ADGRG7: variants seen among roughly 807,000 people sequenced by gnomAD.
The protein encoded by ADGRG7 is adhesion G protein-coupled receptor G7.
ADGRG7 carries 82 observed loss-of-function variants against 88.6 expected under a neutral mutation model. That is an observed-to-expected ratio of 0.93 (90% CI 0.77 to 1.11). ADGRG7 has a LOEUF of 1.11. Ranked by LOEUF, ADGRG7 falls within the 50% of genes most tolerant of loss-of-function variation. The pLI, the probability that ADGRG7 is intolerant of heterozygous loss-of-function variation, is 0.00. For missense variants in ADGRG7, 945 were observed against 953.4 expected (o/e 0.99, Z 0.12); for synonymous variants, 381 against 345.2 (o/e 1.10, Z -1.15).
intron 8 of ADGRG7, among the ~76,000 whole-genome samples, chr3:100,645,151 T>C (rs1707720727): frequency 6.6e-6 from 1 of 152,262 alleles, no homozygotes; most frequent in Non-Finnish European, 1.5e-5. Flanking sequence ...ATGTATACTG[T>C]TGACGCTTCT....
At chr3:100,675,312 T>A (rs1007674160) in intron 15 of ADGRG7, among the ~76,000 whole-genome samples, 85 of 152,308 alleles carry the variant, frequency 5.6e-4, no homozygotes, top group African/African-American at 2.0e-3. Context: ...GAAGTGATGT[T>A]GAATTTTATA....
At chr3:100,629,301 CTATCTATCTACT>C (rs1333210065) in intron 1 of ADGRG7, among the ~76,000 whole-genome samples, 1 of 151,512 alleles carries the variant, frequency 6.6e-6, no homozygotes, top group Non-Finnish European at 1.5e-5. Flanking sequence ...ATCTATCTAT[CTATCTATCTACT>C]TACCATCTAT....
intron 15 of ADGRG7, among the ~76,000 whole-genome samples, chr3:100,685,617 A>G (rs906305183): frequency 1.3e-5 from 2 of 152,146 alleles, no homozygotes; most frequent in African/African-American, 4.8e-5. Context: ...GAGTGAGAAC[A>G]TGCAGTGTTT....
chr3:100,682,142 C>A (rs2094974268), intron 15 of ADGRG7, among the ~76,000 whole-genome samples: 1 of 152,128 alleles, frequency 6.6e-6, no homozygotes, highest in African/African-American at 2.4e-5. Flanking sequence ...CCAGAGCCTG[C>A]CCCAGGGAGC....
At chr3:100,610,064 G>A in intron 1 of ADGRG7, 93 bp downstream of exon 1, 1 of 1,017,978 alleles carries the variant, frequency 9.8e-7, no homozygotes, top group South Asian at 1.3e-5. Context: ...GAGGTACCTT[G>A]TCCAGTCTGA....
chr3:100,677,271 G>A (rs1390767363), intron 15 of ADGRG7, among the ~76,000 whole-genome samples: 1 of 151,952 alleles, frequency 6.6e-6, no homozygotes, highest in African/African-American at 2.4e-5. Context: ...TTACCACAAG[G>A]CTTGCAAATA....
intron 15 of ADGRG7, among the ~76,000 whole-genome samples, chr3:100,674,504 CT>C (rs1489961509): frequency 6.6e-6 from 1 of 150,626 alleles, no homozygotes; most frequent in East Asian, 1.9e-4. Flanking sequence ...AGATCTTTCA[CT>C]TTTTTGGTTA....
chr3:100,673,254 GGT>G (rs748158369), intron 15 of ADGRG7, among the ~76,000 whole-genome samples: 8 of 151,960 alleles, frequency 5.3e-5, no homozygotes, highest in Non-Finnish European at 1.2e-4. Flanking sequence ...ACTTGTTATT[GGT>G]CTATTCAGGG....
chr3:100,643,115 A>G, intron 6 of ADGRG7, 151 bp from the exon 7 acceptor site: 1 of 718,266 alleles, frequency 1.4e-6, no homozygotes, highest in Non-Finnish European at 2.2e-6. Context: ...AAACTCTAGA[A>G]AAGAAAACCA....
At chr3:100,661,111 T>A (rs2094944775) in intron 14 of ADGRG7, among the ~76,000 whole-genome samples, 1 of 152,180 alleles carries the variant, frequency 6.6e-6, no homozygotes, top group Non-Finnish European at 1.5e-5. Context: ...CCAAAAAGCA[T>A]TTTCATTGTC....
intron 1 of ADGRG7, among the ~76,000 whole-genome samples, chr3:100,614,033 T>G (rs1707193591): frequency 6.6e-6 from 1 of 152,176 alleles, no homozygotes; most frequent in African/African-American, 2.4e-5. Flanking sequence ...CTTAAATGAG[T>G]CAATATATTA....
chr3:100,656,875 C>T (rs1388239871), intron 13 of ADGRG7, among the ~76,000 whole-genome samples: 3 of 152,004 alleles, frequency 2.0e-5, no homozygotes, highest in African/African-American at 4.8e-5. Context: ...CCAGATACTA[C>T]GTTTGATTAT....
At chr3:100,674,487 G>A (rs116814720) in intron 15 of ADGRG7, among the ~76,000 whole-genome samples, 3,964 of 151,622 alleles carry the variant, frequency 0.026, 182 homozygotes, top group African/African-American at 0.091. Flanking sequence ...TATAGTTTTC[G>A]TTGTAGAGAT....
At position 100,615,981 on chromosome 3, in the gene ADGRG7, T is replaced by C. The variant is rs1265804191; in HGVS notation, c.115+6010T>C. Among the ~76,000 whole-genome samples the C allele has an allele frequency of 4.6e-5, 7 of 152,212 alleles. No individual in the cohort carries two copies. The East Asian group carries it at 7.7e-4, about 17-fold the overall frequency. ...AGCCCAAAGAAGCATTAAATAACAC[T>C]ATCATCTGTTCAGAGCCATAAGTAA... On this transcript the variant is annotated intron_variant, in intron 1 of 15. Transcript: ENST00000273352.
chr3:100,611,948 G>A (rs2149009769), intron 1 of ADGRG7, among the ~76,000 whole-genome samples: 1 of 152,178 alleles, frequency 6.6e-6, no homozygotes, highest in East Asian at 1.9e-4. Flanking sequence ...CCTTTATTCA[G>A]GTATAGACAT....
chr3:100,609,841 G>A lies in ADGRG7; in HGVS notation c.-16G>A, dbSNP rs754279120. ...TTATTTCTCACCCAGGAGTGGATTT[G>A]TGGTTTGGCTTCACCATGGCTTCCT... On this transcript the variant is annotated 5_prime_UTR_variant, in exon 1 of 16. The change creates a new upstream start codon in the 5' untranslated region. Transcript: ENST00000273352. 4 of 1,597,292 alleles carry A rather than the reference G, an allele frequency of 2.5e-6. No homozygotes were observed. In the South Asian group the frequency reaches 4.4e-5, roughly 18 times the overall value.
intron 14 of ADGRG7, among the ~76,000 whole-genome samples, chr3:100,666,590 A>G (rs1408612071): frequency 6.6e-6 from 1 of 152,166 alleles, no homozygotes; most frequent in Non-Finnish European, 1.5e-5. Context: ...GAGACATTCC[A>G]TTGCCCAGGG....
Position 100,655,048 on chromosome 3 carries a change from C to G in ADGRG7, c.1593C>G (p.Ala531=), listed in dbSNP as rs1486824260. 17 of 1,614,172 alleles carry G rather than the reference C, an allele frequency of 1.1e-5. No individual in the cohort carries two copies. The highest frequency in any genetic ancestry group is 1.4e-5 in the Non-Finnish European group (17 of 1,180,028). ...ATCCCATGTGCACTGCGATTGCCGC[C>G]TTACTGCACTATTTTCTGTTAGTGA... ...IPNPMCTAIA[A]LLHYFLLVTF... The change falls in exon 12 of 16, where the codon GCC becomes GCG. Residue 531 remains alanine, a synonymous_variant. Transcript: ENST00000273352.
Position 100,633,324 on chromosome 3 carries a change from C to A in ADGRG7, c.394C>A (p.Gln132Lys). Reference protein sequence around the residue: ...SLSLYGEIELQKVTIGNCNEN... With the variant: ...SLSLYGEIELKKVTIGNCNEN... ...CTCTCTATATGGAGAGATAGAATTACAAAAAGTGACAATAGGAAATTGCAA... is the reference window on the plus strand; with the variant it reads ...CTCTCTATATGGAGAGATAGAATTAAAAAAAGTGACAATAGGAAATTGCAA... Residue 132 changes from glutamine (Q) to lysine (K), a missense_variant, in exon 4 of 16, where the codon CAA becomes AAA. Gln to Lys is a moderately conservative substitution (Grantham distance 53, BLOSUM62 1). Coordinates refer to ENST00000273352, the MANE Select transcript of ADGRG7 (RefSeq NM_032787.3). 3.1e-6 allele frequency: 5 copies of A among 1,589,616 alleles called. No individual in the cohort carries two copies. The highest frequency in any genetic ancestry group is 4.3e-6 in the Non-Finnish European group (5 of 1,167,378).
Sources: allele counts gnomAD v4.1 joint callset (sites outside exome capture counted in the v4.1 genomes callset), GRCh38; gene constraint gnomAD v4.1.1; transcripts MANE v1.5; gene names NCBI Gene and HGNC (gene_info 2026-07-23, HGNC 2026-07-21).